GMCL1: variants seen among roughly 807,000 people sequenced by gnomAD.
GMCL1 encodes germ cell-less protein-like 1.
Under a neutral mutation model 75.5 loss-of-function variants are expected in GMCL1, and 54 were observed. That is an observed-to-expected ratio of 0.71 (90% CI 0.57 to 0.90). The LOEUF (loss-of-function observed/expected upper bound fraction) is 0.90. Among genes scored for constraint, GMCL1 ranks in the 40% least tolerant of loss-of-function variants. The pLI is 0.00. For synonymous variants in GMCL1, 210 were observed against 209.6 expected (o/e 1.00, Z -0.02); for missense variants, 537 against 622.7 (o/e 0.86, Z 1.47).
intron 2 of GMCL1, among the ~76,000 whole-genome samples, chr2:69,838,577 A>G (rs1674892884): frequency 6.6e-6 from 1 of 152,218 alleles, no homozygotes; most frequent in African/African-American, 2.4e-5. Context: ...AAAGTATTTG[A>G]AAATGAATTG....
intron 1 of GMCL1, among the ~76,000 whole-genome samples, chr2:69,833,580 C>T (rs186870269): frequency 3.3e-5 from 5 of 152,336 alleles, no homozygotes; most frequent in South Asian, 4.1e-4. Context: ...TGCGCCACTG[C>T]GCTCCAGCCT....
Position 69,869,870 on chromosome 2 carries a change from A to G in GMCL1, c.1364+6A>G, listed in dbSNP as rs762198421. 8 of 1,611,404 alleles carry G rather than the reference A, an allele frequency of 5.0e-6. No homozygotes were observed. The East Asian group carries it at 1.3e-4, about 27-fold the overall frequency. ...CGAAGGAGCATAGCATTTAGGTAGG[A>G]TGAGATTTCCCCACCCCACTCCTCC... On this transcript the variant is annotated splice_donor_region_variant and intron_variant, in intron 12 of 13. Transcript: ENST00000282570.
intron 8 of GMCL1, among the ~76,000 whole-genome samples, chr2:69,851,687 TG>T (rs1042400169): frequency 1.3e-5 from 2 of 151,902 alleles, no homozygotes; most frequent in Non-Finnish European, 2.9e-5. Flanking sequence ...CACCTGACCC[TG>T]GGGGTGTCAG....
Position 69,879,688 on chromosome 2 carries a change from G to A in GMCL1, c.*684G>A, listed in dbSNP as rs1558556083. On this transcript the variant is annotated 3_prime_UTR_variant, in exon 14 of 14. Transcript: ENST00000282570. ...ACTTTCCTAGGAGTTTAAGAACAGT[G>A]AAAGTTAGCTTTGCACCTTCAAATG... 1 of 152,112 alleles carries A rather than the reference G, an allele frequency of 6.6e-6. No individual in the cohort carries two copies. The highest frequency in any genetic ancestry group is 1.5e-5 in the Non-Finnish European group (1 of 68,012). 9.4% of individuals were successfully genotyped at this position (152,112 alleles called of 1,614,324 possible).
rs974179417 is a variant in GMCL1 at position 69,871,682 on chromosome 2, G to A, written c.1365-63G>A. ...AAAAAGTAAATATGAAAGTAAGGAA[G>A]AGCTTGTTTAATCTGTGGTTTAAAA... On this transcript the variant is annotated intron_variant, in intron 12 of 13. Coordinates refer to ENST00000282570, the MANE Select transcript of GMCL1 (RefSeq NM_178439.5). 11 of 825,752 alleles carry A rather than the reference G, an allele frequency of 1.3e-5. No individual in the cohort carries two copies. The African/African-American group carries it at 1.8e-4, about 13-fold the overall frequency. The allele number at this position is 825,752 out of a possible 1,614,324, so 51.2% of individuals were successfully genotyped here. A position where few individuals can be genotyped will look rare whatever the true frequency, so the allele number is the denominator to read the frequency against.
At chr2:69,830,361 CA>C (rs1161509426) in intron 1 of GMCL1, among the ~76,000 whole-genome samples, 1 of 152,212 alleles carries the variant, frequency 6.6e-6, no homozygotes, top group Non-Finnish European at 1.5e-5. Context: ...TTTTCAACCA[CA>C]GACGCTTCCA....
Position 69,829,858 on chromosome 2 carries a change from T to C in GMCL1, c.-35T>C. ...CGAGCCATGGCGGGAGACCCCCTTC[T>C]CTGGGCTCCCTGAAGTCTCGGGGAG... On this transcript the variant is annotated 5_prime_UTR_variant, in exon 1 of 14. Coordinates refer to ENST00000282570, the MANE Select transcript of GMCL1 (RefSeq NM_178439.5). 2 of 1,529,448 alleles carry C rather than the reference T, an allele frequency of 1.3e-6. No homozygotes were observed. Among genetic ancestry groups the C allele is most frequent in the Non-Finnish European group, 1.8e-6 (2 of 1,142,434 alleles). 94.7% of individuals were successfully genotyped at this position (1,529,448 alleles called of 1,614,324 possible). A position where few individuals can be genotyped will look rare whatever the true frequency, so the allele number is the denominator to read the frequency against.
chr2:69,871,925 G>T (rs1675993984), intron 13 of GMCL1, 93 bp downstream of exon 13: 2 of 808,130 alleles, frequency 2.5e-6, no homozygotes, highest in Non-Finnish European at 3.9e-6. Flanking sequence ...TTAAAGTGAT[G>T]GCATTTTGAC....
At chr2:69,871,470 C>T (rs546293172) in intron 12 of GMCL1, among the ~76,000 whole-genome samples, 8 of 152,146 alleles carry the variant, frequency 5.3e-5, no homozygotes, top group African/African-American at 1.9e-4. Flanking sequence ...ATATTTAATG[C>T]CACAGAACTA....
At chr2:69,836,251 T>C (rs149207858) in intron 1 of GMCL1, among the ~76,000 whole-genome samples, 318 of 152,316 alleles carry the variant, frequency 2.1e-3, no homozygotes, top group African/African-American at 7.4e-3. Context: ...GAATTTGTTT[T>C]CTAACTTTCA....
chr2:69,849,431 C>T (rs914337073), intron 7 of GMCL1, among the ~76,000 whole-genome samples: 9 of 152,150 alleles, frequency 5.9e-5, no homozygotes, highest in African/African-American at 2.2e-4. Context: ...CTCCCAAGTG[C>T]TGGGATTATA....
chr2:69,861,240 T>A, intron 9 of GMCL1, 38 bp from the exon 10 acceptor site: 2 of 1,333,932 alleles, frequency 1.5e-6, no homozygotes, highest in Non-Finnish European at 2.1e-6. Flanking sequence ...TGTTCTTCAG[T>A]CGTTATTTAT....
chr2:69,869,752 T>G lies in GMCL1; in HGVS notation c.1252T>G (p.Phe418Val). ...GCGTTGGACAGGTTTTAACTTCGGC[T>G]TCGACCTACTTGTAACTTACACCAA... ...CWRWTGFNFG[F>V]DLLVTYTNRY... is the part of the protein sequence containing the mutation. Residue 418 changes from phenylalanine to valine, a missense_variant, in exon 12 of 14, where the codon TTC (phenylalanine) becomes GTC (valine). By Grantham distance (50) the Phe-to-Val change is conservative. Transcript: ENST00000282570. 3 of 1,614,060 alleles carry G rather than the reference T, an allele frequency of 1.9e-6. No homozygotes were observed. The Admixed American group carries it at 5.0e-5, about 27-fold the overall frequency.
At chr2:69,870,806 G>C (rs2104049245) in intron 12 of GMCL1, among the ~76,000 whole-genome samples, 1 of 152,166 alleles carries the variant, frequency 6.6e-6, no homozygotes, top group East Asian at 1.9e-4. Context: ...AAATCACAAT[G>C]AGCTATCACT....
chr2:69,862,574 A>G (rs1490512952), intron 10 of GMCL1, among the ~76,000 whole-genome samples: 1 of 152,128 alleles, frequency 6.6e-6, no homozygotes, highest in African/African-American at 2.4e-5. Context: ...AGCCTGACCG[A>G]GATGGAGAAA....
chr2:69,845,955 ATTTTT>A (rs35362436), intron 6 of GMCL1, among the ~76,000 whole-genome samples: 1 of 143,884 alleles, frequency 7.0e-6, no homozygotes, highest in Non-Finnish European at 1.5e-5. Flanking sequence ...AATTTTACTG[ATTTTT>A]TTTTTTTTTT....
chr2:69,878,178 A>T (rs2104080745), intron 13 of GMCL1, among the ~76,000 whole-genome samples: 1 of 152,288 alleles, frequency 6.6e-6, no homozygotes, highest in South Asian at 2.1e-4. Flanking sequence ...TGAACCTGAA[A>T]TTGCTTTTCC....
chr2:69,839,596 C>A, intron 3 of GMCL1, 43 bp downstream of exon 3: 1 of 1,205,000 alleles, frequency 8.3e-7, no homozygotes, highest in Non-Finnish European at 1.2e-6. Context: ...ATCGTAAAAA[C>A]ATAATCTTAT....
chr2:69,838,336 C>CAAAAAAA (rs71397366), intron 2 of GMCL1, among the ~76,000 whole-genome samples: 1,205 of 31,484 alleles, frequency 0.038, 208 homozygotes, highest in African/African-American at 0.076. Context: ...GACTCTGTCT[C>CAAAAAAA]AAAAAAAAAA....
Sources: gnomAD v4.1 joint callset for allele counts (sites outside exome capture counted in the v4.1 genomes callset) on GRCh38, gnomAD v4.1.1 for gene constraint, MANE v1.5 for transcripts, NCBI Gene and HGNC (gene_info 2026-07-23, HGNC 2026-07-21) for gene names.